WSCD1: variants seen among roughly 807,000 people sequenced by gnomAD.
WSCD1 encodes the protein WSC domain sialate O sulfotransferase 1.
WSCD1 carries 41 observed loss-of-function variants against 60.4 expected under a neutral mutation model. The ratio of observed to expected loss-of-function variants is 0.68; its 90% CI spans 0.53 to 0.88. WSCD1 has a LOEUF of 0.88. Ranked by LOEUF, WSCD1 falls within the 40% of genes least tolerant of loss-of-function variation. The pLI is 0.00. For missense variants in WSCD1, 784 were observed against 796.2 expected, an observed-to-expected ratio of 0.98 and a Z score of 0.18; for synonymous variants, 361 against 332.5, an observed-to-expected ratio of 1.09 and a Z score of -0.93.
At chr17:6,069,428 TGAGAGAGAGA>T (rs71154637), upstream of WSCD1, 755 of 231,542 alleles carry the variant, frequency 3.3e-3, 3 homozygotes, top group Middle Eastern at 8.2e-3. Context: ...TGTGTGTGTG[TGAGAGAGAGA>T]GAGAGAGAGA....
chr17:6,086,217 A>G (rs1178815971), intron 2 of WSCD1, among the ~76,000 whole-genome samples: 3 of 142,132 alleles, frequency 2.1e-5, no homozygotes, highest in Non-Finnish European at 4.5e-5. Flanking sequence ...TGGATATTGC[A>G]CCTTGGTGCA....
intron 7 of WSCD1, among the ~76,000 whole-genome samples, chr17:6,116,733 A>G (rs1261054915): frequency 6.6e-6 from 1 of 152,250 alleles, no homozygotes; most frequent in Non-Finnish European, 1.5e-5. Flanking sequence ...CCAGATTCAA[A>G]AGAGACTTGC....
At chr17:6,117,921 C>A in intron 7 of WSCD1, 67 bp from the exon 8 acceptor site, 1 of 1,533,118 alleles carries the variant, frequency 6.5e-7, no homozygotes, top group Non-Finnish European at 9.0e-7. Context: ...CCCAATCTGT[C>A]TGCTGCTATG....
chr17:6,078,148 A>G, intron 1 of WSCD1: 1 of 152,252 alleles, frequency 6.6e-6, no homozygotes, highest in Non-Finnish European at 1.5e-5. Flanking sequence ...TTTGCGTATC[A>G]ATTTATCTGT....
In WSCD1 at chr17:6,122,479, T is replaced by C. The variant is rs536466040; in HGVS notation, c.*1818T>C. 6.6e-6 allele frequency: 1 copy of C among 152,410 alleles called. No homozygotes were observed. The highest frequency in any genetic ancestry group is 6.5e-5 in the Admixed American group (1 of 15,308). 9.4% of individuals were successfully genotyped at this position (152,410 alleles called of 1,614,324 possible). ...CTCAGGATAGCTTCGGCATCCAATC[T>C]GCGAAGGCCCCTGATGGAGCTATTT... On this transcript the variant is annotated 3_prime_UTR_variant, in exon 9 of 9. Coordinates refer to ENST00000317744, the MANE Select transcript of WSCD1 (RefSeq NM_015253.2).
intron 7 of WSCD1, among the ~76,000 whole-genome samples, chr17:6,116,327 T>A (rs572361746): frequency 1.3e-5 from 2 of 152,302 alleles, no homozygotes; most frequent in East Asian, 3.9e-4. Context: ...GCTTTAGAGA[T>A]ACCTCACACA....
At position 6,098,502 on chromosome 17, in the gene WSCD1, T is replaced by G. The variant is rs1052924160; in HGVS notation, c.849+3279T>G. The stretch of plus-strand genomic sequence containing the variant: ...CGCATTTCAAGGACAAGTTCCCTTC[T>G]CTGCTATGGCCGGAGCAGTCGTGAA... On this transcript the variant is annotated intron_variant, in intron 5 of 8. Coordinates refer to ENST00000317744, the MANE Select transcript of WSCD1 (RefSeq NM_015253.2). 2.6e-5 allele frequency among the ~76,000 whole-genome samples: 4 copies of G among 152,312 alleles called. No individual in the cohort carries two copies. In the East Asian group the frequency reaches 7.7e-4, roughly 29 times the overall value.
At chr17:6,085,676 T>C (rs769546446) in intron 2 of WSCD1, among the ~76,000 whole-genome samples, 3 of 152,212 alleles carry the variant, frequency 2.0e-5, no homozygotes, top group African/African-American at 7.2e-5. Context: ...AACCTTGTGG[T>C]TAATTTCCCA....
intron 4 of WSCD1, among the ~76,000 whole-genome samples, chr17:6,091,941 G>A (rs1180437428): frequency 6.6e-6 from 1 of 152,144 alleles, no homozygotes; most frequent in Non-Finnish European, 1.5e-5. Context: ...CGAATCATGA[G>A]GTCAGGAGTT....
upstream of WSCD1, chr17:6,069,443 G>C: frequency 2.7e-6 from 1 of 375,588 alleles, no homozygotes; most frequent in Non-Finnish European, 4.7e-6. Context: ...GAGAGAGAGA[G>C]AGAGAGAGCC....
rs79242520 is a variant in WSCD1 at position 6,104,824 on chromosome 17, G to A, written c.850-4783G>A. Among the ~76,000 whole-genome samples, 1,494 of 152,290 alleles carry A rather than the reference G, an allele frequency of 9.8e-3. 29 individuals are homozygous for A. Among genetic ancestry groups the A allele is most frequent in the African/African-American group, 0.034 (1,402 of 41,554 alleles). On this transcript the variant is annotated intron_variant, in intron 5 of 8. Transcript: ENST00000317744. The stretch of plus-strand genomic sequence containing the variant: ...GATGTGGCAAGGTCCTGGACTTGGA[G>A]TCCAGAAGGCTGGCTCCTTTTCCCA...
intron 4 of WSCD1, among the ~76,000 whole-genome samples, chr17:6,094,244 C>A (rs1910242890): frequency 6.6e-6 from 1 of 152,198 alleles, no homozygotes; most frequent in South Asian, 2.1e-4. Context: ...GGAGGCTCTA[C>A]AGAGCAGCAG....
At chr17:6,093,384 A>G (rs1302198765) in intron 4 of WSCD1, among the ~76,000 whole-genome samples, 2 of 152,148 alleles carry the variant, frequency 1.3e-5, no homozygotes, top group Non-Finnish European at 2.9e-5. Flanking sequence ...CACAGGGGTC[A>G]CCCAGGATGT....
Position 6,090,492 on chromosome 17 carries a change from G to A in WSCD1, c.714G>A (p.Pro238=), listed in dbSNP as rs545993490. ...TGTACCGTGTGGACGAGCTGCAGCC[G>A]GGCTCCAGGAAGCGTGAGTGTGCCA... ...LSVYRVDELQ[P]GSRKRRTATY... Residue 238 remains proline (P), a synonymous_variant, in exon 4 of 9, where the codon CCG becomes CCA. Transcript: ENST00000317744. The A allele has an allele frequency of 4.8e-5, 77 of 1,612,486 alleles. No individual in the cohort carries two copies. The East Asian group carries it at 1.5e-3, about 31-fold the overall frequency.
At chr17:6,089,048 C>T (rs1909849104) in intron 3 of WSCD1, among the ~76,000 whole-genome samples, 1 of 152,202 alleles carries the variant, frequency 6.6e-6, no homozygotes, top group Non-Finnish European at 1.5e-5. Flanking sequence ...TCCCAAAGTA[C>T]TGGGATTACA....
intron 2 of WSCD1, among the ~76,000 whole-genome samples, chr17:6,085,449 C>T (rs75670281): frequency 1.5e-3 from 235 of 152,308 alleles, no homozygotes; most frequent in Admixed American, 5.8e-3. Context: ...TTCACAACTA[C>T]CTCATGGAAT....
At chr17:6,114,153 T>TAAAAA (rs370433776) in intron 7 of WSCD1, among the ~76,000 whole-genome samples, 1 of 125,154 alleles carries the variant, frequency 8.0e-6, no homozygotes, top group Non-Finnish European at 1.6e-5. Context: ...TAGTTAGCCG[T>TAAAAA]AAAAAAAAAA....
intron 5 of WSCD1, among the ~76,000 whole-genome samples, chr17:6,099,180 T>C (rs1567556653): frequency 6.6e-6 from 1 of 152,066 alleles, no homozygotes; most frequent in Non-Finnish European, 1.5e-5. Context: ...AATTTTCCTG[T>C]AATAAGAAAC....
Position 6,120,858 on chromosome 17 carries a change from T to C in WSCD1, c.*197T>C, listed in dbSNP as rs901877585. 8.2e-6 allele frequency: 5 copies of C among 612,322 alleles called. No individual in the cohort carries two copies. Among genetic ancestry groups the C allele is most frequent in the Non-Finnish European group, 1.4e-5 (5 of 354,236 alleles). 37.9% of individuals were successfully genotyped at this position (612,322 alleles called of 1,614,324 possible). On this transcript the variant is annotated 3_prime_UTR_variant, in exon 9 of 9. Transcript: ENST00000317744. ...CAAGGCGAACACAAATGGACACACA[T>C]ACCTGGCCACGAACCCACACCTCCT...
Sources: gnomAD v4.1 joint callset for allele counts (sites outside exome capture counted in the v4.1 genomes callset) on GRCh38, gnomAD v4.1.1 for gene constraint, MANE v1.5 for transcripts, NCBI Gene and HGNC (gene_info 2026-07-23, HGNC 2026-07-21) for gene names.